The following CEP295 variants were observed in gnomAD, a reference collection of about 807,000 sequenced individuals.
The protein encoded by CEP295 is centrosomal protein of 295 kDa.
Under a neutral mutation model 291.6 loss-of-function variants are expected in CEP295, and 190 were observed. The ratio of observed to expected loss-of-function variants is 0.65; its 90% CI spans 0.58 to 0.73. The LOEUF is 0.73. Ranked by LOEUF, CEP295 falls within the 30% of genes least tolerant of loss-of-function variation. The pLI, the probability that CEP295 is intolerant of heterozygous loss-of-function variation, is 0.00. For missense variants in CEP295, 2,863 were observed against 2,949.4 expected (o/e 0.97, Z 0.68); for synonymous variants, 993 against 1,038.8 (o/e 0.96, Z 0.85).
At chr11:93,703,835 C>G (rs1014906788) in intron 17 of CEP295, among the ~76,000 whole-genome samples, 4 of 145,434 alleles carry the variant, frequency 2.8e-5, no homozygotes, top group Non-Finnish European at 4.5e-5. Context: ...GTGGCGCAAT[C>G]TCGGCTCACT....
chr11:93,671,858 C>T (rs1016953139), intron 5 of CEP295, among the ~76,000 whole-genome samples: 2 of 152,130 alleles, frequency 1.3e-5, no homozygotes, highest in African/African-American at 4.8e-5. Context: ...AATATAAATG[C>T]TGAAAATCCT....
At position 93,696,839 on chromosome 11, in the gene CEP295, G is replaced by A. The variant is rs939634584; in HGVS notation, c.1927G>A (p.Glu643Lys). Residue 643 changes from glutamate to lysine, a missense_variant, in exon 15 of 30, where the codon GAG becomes AAG. Coordinates refer to ENST00000325212, the MANE Select transcript of CEP295 (RefSeq NM_033395.2). The part of the protein sequence containing the change: ...WKSERPTAIS[E>K]HWDQGQRLKL... ...ATCTGAGAGACCGACTGCTATATCA[G>A]AGCATTGGGATCAAGGTCAGAGACT... 1.9e-6 allele frequency: 3 copies of A among 1,551,550 alleles called. No homozygotes were observed. In the African/African-American group the frequency reaches 4.1e-5, roughly 21 times the overall value.
chr11:93,681,249 T>G (rs2134935858), intron 7 of CEP295, among the ~76,000 whole-genome samples: 1 of 151,488 alleles, frequency 6.6e-6, no homozygotes, highest in African/African-American at 2.4e-5. Flanking sequence ...TTTTTTTTTT[T>G]TTTTTGAGAC....
intron 21 of CEP295, 105 bp from the exon 22 acceptor site, chr11:93,724,149 C>A: frequency 2.9e-6 from 3 of 1,038,160 alleles, no homozygotes; most frequent in Non-Finnish European, 4.1e-6. Flanking sequence ...TGAAAATAAG[C>A]GTTTATGAAT....
At chr11:93,690,560 CAAA>C (rs756087606) in intron 10 of CEP295, among the ~76,000 whole-genome samples, 2 of 53,170 alleles carry the variant, frequency 3.8e-5, no homozygotes, top group Non-Finnish European at 4.0e-5. Context: ...CTCTGTCTCA[CAAA>C]AAAAAAAAAA....
At position 93,723,049 on chromosome 11, in the gene CEP295, T is replaced by G. The variant is rs1372000765; in HGVS notation, c.5956T>G (p.Ser1986Ala). The stretch of plus-strand genomic sequence containing the variant: ...TTAAACTCAATTTTCAGAGTCATTT[T>G]CAGAGCACATGGATGATAGCAAGCA... ...DLSLTDPESF[S>A]EHMDDSKQES... Residue 1986 changes from serine (S) to alanine (A), a missense_variant, in exon 21 of 30, where the codon TCA (serine) becomes GCA (alanine). Transcript: ENST00000325212. The G allele has an allele frequency of 6.5e-7, 1 of 1,550,068 alleles. No individual in the cohort carries two copies. The highest frequency in any genetic ancestry group is 8.7e-7 in the Non-Finnish European group (1 of 1,146,386).
At position 93,698,400 on chromosome 11, in the gene CEP295, T is replaced by C. The variant is rs1437309349; in HGVS notation, c.3488T>C (p.Leu1163Ser). ...CATAGCCTGGCACAGCAAGAAAATT[T>C]GACAATACTCCAAGAACAGTCACAA... ...PQHSLAQQENLTILQEQSQIQ... is the reference protein window; with the variant it reads ...PQHSLAQQENSTILQEQSQIQ... Residue 1163 changes from leucine to serine, a missense_variant, in exon 15 of 30, where the codon TTG becomes TCG. Around this residue, in one of 3 missense-constraint regions of CEP295, gnomAD observed 2,295 missense variants for 2,335.7 expected, o/e 0.98. Coordinates refer to ENST00000325212, the MANE Select transcript of CEP295 (RefSeq NM_033395.2). The C allele has an allele frequency of 6.4e-7, 1 of 1,552,068 alleles. No homozygotes were observed. The highest frequency in any genetic ancestry group is 1.4e-5 in the African/African-American group (1 of 73,042).
intron 1 of CEP295, among the ~76,000 whole-genome samples, chr11:93,662,333 G>A (rs889972385): frequency 4.6e-5 from 7 of 152,194 alleles, no homozygotes; most frequent in African/African-American, 1.7e-4. Flanking sequence ...TTTTGGGGTA[G>A]ATATTATTAT....
rs1373110048 is a variant in CEP295 at position 93,697,373 on chromosome 11, A to G, written c.2461A>G (p.Thr821Ala). Residue 821 changes from threonine to alanine, a missense_variant, in exon 15 of 30, where the codon ACA becomes GCA. Physicochemically the swap from Thr to Ala is moderately conservative, Grantham distance 58. Coordinates refer to ENST00000325212, the MANE Select transcript of CEP295 (RefSeq NM_033395.2). ...FSAMSKSTVS[T>A]SHSIISQMHD... The stretch of plus-strand genomic sequence containing the variant: ...AGCCATGAGCAAAAGTACAGTTTCC[A>G]CAAGCCATTCTATAATCAGCCAAAT... 1 of 1,551,942 alleles carries G rather than the reference A, an allele frequency of 6.4e-7. No individual in the cohort carries two copies. Among genetic ancestry groups the G allele is most frequent in the East Asian group, 2.4e-5 (1 of 40,942 alleles).
At chr11:93,723,502 A>G in intron 21 of CEP295, 1 of 406,848 alleles carries the variant, frequency 2.5e-6, no homozygotes, top group Non-Finnish European at 4.4e-6. Context: ...GAGATTAATT[A>G]GCAAATCTTC....
Position 93,697,386 on chromosome 11 carries a change from T to C in CEP295, c.2474T>C (p.Ile825Thr). ...SKSTVSTSHSIISQMHDRPLL... is the reference protein window; with the variant it reads ...SKSTVSTSHSTISQMHDRPLL... ...AGTACAGTTTCCACAAGCCATTCTATAATCAGCCAAATGCATGATAGGCCT... is the reference window on the plus strand; with the variant it reads ...AGTACAGTTTCCACAAGCCATTCTACAATCAGCCAAATGCATGATAGGCCT... Residue 825 changes from isoleucine to threonine, a missense_variant, in exon 15 of 30, where the codon ATA becomes ACA. Physicochemically the swap from Ile to Thr is moderately conservative, Grantham distance 89. Transcript: ENST00000325212. 1.3e-6 allele frequency: 2 copies of C among 1,552,162 alleles called. No homozygotes were observed. The highest frequency in any genetic ancestry group is 2.4e-5 in the East Asian group (1 of 40,930).
At position 93,684,047 on chromosome 11, in the gene CEP295, C is replaced by G. The variant is rs1336072612; in HGVS notation, c.1033C>G (p.Leu345Val). Residue 345 changes from leucine to valine, a missense_variant, in exon 9 of 30, where the codon CTT becomes GTT. Around this residue, in one of 3 missense-constraint regions of CEP295, gnomAD observed 554 missense variants for 576.0 expected, o/e 0.96. Coordinates refer to ENST00000325212, the MANE Select transcript of CEP295 (RefSeq NM_033395.2). ...TNQIQDEELD[L>V]SMEQENLGAA... ...TCAGATCCAAGATGAAGAGCTGGAC[C>G]TTTCAATGGAACAAGAAAATTTGGG... 6 of 1,551,682 alleles carry G rather than the reference C, an allele frequency of 3.9e-6. No individual in the cohort carries two copies. The highest frequency in any genetic ancestry group is 5.2e-6 in the Non-Finnish European group (6 of 1,146,968).
chr11:93,687,614 A>C (rs1951308607), intron 9 of CEP295, 30 bp from the exon 10 acceptor site: 3 of 1,253,746 alleles, frequency 2.4e-6, no homozygotes, highest in Non-Finnish European at 3.3e-6. Flanking sequence ...TAGATGCTAA[A>C]TAAGTTTTTT....
intron 5 of CEP295, among the ~76,000 whole-genome samples, chr11:93,673,471 A>T (rs1050976147): frequency 6.6e-6 from 1 of 151,962 alleles, no homozygotes; most frequent in African/African-American, 2.4e-5. Context: ...TTGGCTGTAC[A>T]TTTATCACCT....
At chr11:93,677,379 G>A (rs1950746704) in intron 6 of CEP295, among the ~76,000 whole-genome samples, 1 of 152,130 alleles carries the variant, frequency 6.6e-6, no homozygotes, top group Non-Finnish European at 1.5e-5. Context: ...TATTGTGTGT[G>A]TGTGTGTTTT....
chr11:93,668,774 TTAACA>T, intron 3 of CEP295, 29 bp from the exon 4 acceptor site: 1 of 1,428,732 alleles, frequency 7.0e-7, no homozygotes, highest in Non-Finnish European at 9.4e-7. Flanking sequence ...TTATTCTTGT[TTAACA>T]TGACATTTTA....
At chr11:93,726,093 T>C (rs2135347157) in intron 23 of CEP295, among the ~76,000 whole-genome samples, 1 of 152,156 alleles carries the variant, frequency 6.6e-6, no homozygotes, top group East Asian at 1.9e-4. Context: ...ACAGTTTAAG[T>C]ATTATTTTTT....
intron 18 of CEP295, among the ~76,000 whole-genome samples, chr11:93,715,132 C>T (rs966801470): frequency 6.6e-6 from 1 of 152,138 alleles, no homozygotes; most frequent in African/African-American, 2.4e-5. Context: ...GGAGTCAGTG[C>T]CTGGAATCGG....
rs1288584894 is a variant in CEP295, at chr11:93,727,155, C to G, written c.6679C>G (p.His2227Asp). The change falls in exon 24 of 30, where the codon CAT becomes GAT. Residue 2227 changes from histidine to aspartate, a missense_variant. This residue lies in a region of CEP295 where 2,295 missense variants were observed against 2,335.7 expected (regional missense o/e 0.98). Coordinates refer to ENST00000325212, the MANE Select transcript of CEP295 (RefSeq NM_033395.2). ...ATTACAAAACAAGAAAAAAATTGTT[C>G]ATTTCCAGCTTTCTATAGGAAACTT... ...EILQNKKKIVHFQLSIGNLSS... is the reference protein window; with the variant it reads ...EILQNKKKIVDFQLSIGNLSS... The G allele has an allele frequency of 1.9e-6, 3 of 1,550,408 alleles. No homozygotes were observed. The highest frequency in any genetic ancestry group is 2.6e-6 in the Non-Finnish European group (3 of 1,146,550).
Sources: gnomAD v4.1 joint callset for allele counts (sites outside exome capture counted in the v4.1 genomes callset) on GRCh38, gnomAD v4.1.1 for gene constraint, gnomAD v4.1.1 regional missense constraint, MANE v1.5 for transcripts, NCBI Gene and HGNC (gene_info 2026-07-23, HGNC 2026-07-21) for gene names.